Variants in KCNIP4 observed in about 807,000 individuals in gnomAD.
KCNIP4 encodes the protein Kv channel-interacting protein 4.
KCNIP4 carries 12 observed loss-of-function variants against 34.0 expected under a neutral mutation model. That is an observed-to-expected ratio of 0.35 (90% CI 0.23 to 0.57). The LOEUF (loss-of-function observed/expected upper bound fraction) is 0.57, where lower values mean the gene tolerates loss of function less well. Among genes scored for constraint, KCNIP4 ranks in the 20% least tolerant of loss-of-function variants. The pLI is 0.83. For missense variants in KCNIP4, 238 were observed against 311.7 expected (o/e 0.76, Z 1.78); for synonymous variants, 124 against 102.2 (o/e 1.21, Z -1.29).
intron 1 of KCNIP4, chr4:21,304,010 AAG>A: frequency 9.7e-7 from 1 of 1,033,740 alleles, no homozygotes; most frequent in Non-Finnish European, 1.3e-6. Flanking sequence ...CTGCTGGAGA[AAG>A]GGGAGGAGGA....
At chr4:21,124,298 A>G (rs1369780099) in intron 1 of KCNIP4, among the ~76,000 whole-genome samples, 1 of 152,158 alleles carries the variant, frequency 6.6e-6, no homozygotes, top group Admixed American at 6.5e-5. Flanking sequence ...TTTTGTCTTC[A>G]TGGATCCCCT....
intron 1 of KCNIP4, among the ~76,000 whole-genome samples, chr4:21,390,884 G>A (rs113588437): frequency 1.8e-4 from 27 of 152,236 alleles, no homozygotes; most frequent in African/African-American, 6.0e-4. Flanking sequence ...TTGAGGAACT[G>A]TCAGATATTT....
At chr4:20,890,636 A>T (rs1186792398) in intron 1 of KCNIP4, among the ~76,000 whole-genome samples, 1 of 152,170 alleles carries the variant, frequency 6.6e-6, no homozygotes, top group Non-Finnish European at 1.5e-5. Context: ...TTCAAAATTA[A>T]GTTTACTCCC....
chr4:21,129,079 C>T (rs1051190809), intron 1 of KCNIP4, among the ~76,000 whole-genome samples: 17 of 152,148 alleles, frequency 1.1e-4, no homozygotes, highest in Admixed American at 9.8e-4. Context: ...AACTGAATCA[C>T]GGCGGCGGTT....
intron 1 of KCNIP4, among the ~76,000 whole-genome samples, chr4:21,132,315 C>T (rs1751129706): frequency 6.6e-6 from 1 of 152,108 alleles, no homozygotes; most frequent in Non-Finnish European, 1.5e-5. Context: ...ATTTGTAATA[C>T]ACCACCCTAT....
chr4:21,774,447 G>A (rs750808232), intron 1 of KCNIP4, among the ~76,000 whole-genome samples: 3 of 151,966 alleles, frequency 2.0e-5, no homozygotes, highest in Non-Finnish European at 4.4e-5. Context: ...TATCTTAATG[G>A]TGTTCTCTGT....
chr4:21,111,483 A>G lies in KCNIP4; in HGVS notation c.62-228774T>C, dbSNP rs546087880. On this transcript the variant is annotated intron_variant, in intron 1 of 8. Coordinates refer to ENST00000382152, the MANE Select transcript of KCNIP4 (RefSeq NM_025221.6). ...CAACCATCTCCAAGTAAAACCCAGG[A>G]AGTAGGCAATCCTTTGAAGTCCTTC... 1.8e-3 allele frequency among the ~76,000 whole-genome samples: 276 copies of G among 152,310 alleles called. 2 individuals carry two copies. Among genetic ancestry groups the G allele is most frequent in the Middle Eastern group, 3.4e-3 (1 of 294 alleles).
rs114118666 is a variant in KCNIP4 at position 21,222,692 on chromosome 4, A to G, written c.62-339983T>C. On this transcript the variant is annotated intron_variant, in intron 1 of 8. Transcript: ENST00000382152. ...TTAGATAAGTCTTCCCTGACTTTCA[A>G]TTTGTAATTTTATCCCTTCCCTGTC... Among the ~76,000 whole-genome samples the G allele has an allele frequency of 3.3e-3, 499 of 152,272 alleles. 3 individuals carry two copies. Among genetic ancestry groups the G allele is most frequent in the African/African-American group, 0.011 (476 of 41,566 alleles).
chr4:21,757,158 AGAAAGAAAGAAG>A lies in KCNIP4; in HGVS notation c.61+191401_61+191412del, dbSNP rs1439913807. Among the ~76,000 whole-genome samples the A allele has an allele frequency of 9.3e-4, 27 of 29,124 alleles. 1 individual carries two copies. Among genetic ancestry groups the A allele is most frequent in the East Asian group, 4.6e-3 (5 of 1,094 alleles). 19.1% of individuals were successfully genotyped at this position (29,124 alleles called of 152,430 possible). On this transcript the variant is annotated intron_variant, in intron 1 of 8. Transcript: ENST00000382152. ...AAGAAAGAAAGAAAGAAAGAAAGAA[AGAAAGAAAGAAG>A]GAAGGAAGGAAGGAAGGAAGGAAGG...
At chr4:21,903,438 C>A (rs1727817984) in intron 1 of KCNIP4, among the ~76,000 whole-genome samples, 1 of 152,068 alleles carries the variant, frequency 6.6e-6, no homozygotes, top group Admixed American at 6.6e-5. Flanking sequence ...ATTCTGCTAC[C>A]AATAAGATTA....
intron 1 of KCNIP4, among the ~76,000 whole-genome samples, chr4:21,717,951 C>T (rs1236792074): frequency 1.3e-5 from 2 of 152,176 alleles, no homozygotes; most frequent in African/African-American, 4.8e-5. Context: ...ATCTTTTTGA[C>T]TTCTCTGTTC....
intron 1 of KCNIP4, among the ~76,000 whole-genome samples, chr4:21,685,215 T>C (rs1222219429): frequency 1.3e-5 from 2 of 152,214 alleles, no homozygotes; most frequent in Admixed American, 1.3e-4. Flanking sequence ...AATTGCATAA[T>C]GTTTTACATA....
chr4:21,729,031 C>G (rs115895445), intron 1 of KCNIP4, among the ~76,000 whole-genome samples: 4,326 of 152,204 alleles, frequency 0.028, 189 homozygotes, highest in African/African-American at 0.098. Context: ...TATTTCTTGG[C>G]AAATAATGTC....
intron 1 of KCNIP4, among the ~76,000 whole-genome samples, chr4:21,870,032 C>T (rs890546664): frequency 5.3e-5 from 8 of 152,068 alleles, no homozygotes; most frequent in Admixed American, 5.2e-4. Flanking sequence ...TGTCTTATAC[C>T]ATCTGTGTAT....
intron 1 of KCNIP4, among the ~76,000 whole-genome samples, chr4:21,593,374 C>A (rs1464479904): frequency 6.6e-6 from 1 of 152,046 alleles, no homozygotes; most frequent in African/African-American, 2.4e-5. Context: ...AGAGTGGGAA[C>A]CTCCGAGTGG....
chr4:20,975,543 T>C (rs1305641479), intron 1 of KCNIP4, among the ~76,000 whole-genome samples: 3 of 152,108 alleles, frequency 2.0e-5, no homozygotes, highest in Non-Finnish European at 4.4e-5. Flanking sequence ...GGAAAGGAAG[T>C]CATTTTATTG....
intron 1 of KCNIP4, among the ~76,000 whole-genome samples, chr4:21,062,540 G>GTGTGTGCATGTGTGTT: frequency 6.6e-6 from 1 of 151,892 alleles, no homozygotes; most frequent in East Asian, 1.9e-4. Flanking sequence ...ATGTGTGTGT[G>GTGTGTGCATGTGTGTT]TGTGTGTGTG....
At chr4:21,020,306 C>T (rs1159620745) in intron 1 of KCNIP4, among the ~76,000 whole-genome samples, 4 of 152,162 alleles carry the variant, frequency 2.6e-5, no homozygotes, top group South Asian at 2.1e-4. Context: ...GGGATGCTCA[C>T]GTTTCTTCAA....
chr4:21,268,055 A>C (rs1382239685), intron 1 of KCNIP4, among the ~76,000 whole-genome samples: 1 of 152,128 alleles, frequency 6.6e-6, no homozygotes, highest in Non-Finnish European at 1.5e-5. Context: ...CAGAGATTCA[A>C]CTTCTTCCTG....
Sources: gnomAD v4.1 joint callset for allele counts (sites outside exome capture counted in the v4.1 genomes callset) on GRCh38, gnomAD v4.1.1 for gene constraint, MANE v1.5 for transcripts, NCBI Gene and HGNC (gene_info 2026-07-23, HGNC 2026-07-21) for gene names.